The following NCAM2 variants were observed in gnomAD, a reference collection of about 807,000 sequenced individuals.
The protein encoded by NCAM2 is N-CAM-2.
NCAM2 carries 30 observed loss-of-function variants against 98.1 expected under a neutral mutation model. The observed-to-expected ratio is 0.31, with a 90% CI of 0.23 to 0.41. NCAM2 has a LOEUF of 0.41. NCAM2 is among the 10% of genes least tolerant of loss of function. The probability of loss-of-function intolerance (pLI) is 1.00; values close to 1 mark genes in which losing one functional copy is unlikely to be tolerated. For missense variants in NCAM2, 867 were observed against 1,005.8 expected, an observed-to-expected ratio of 0.86 and a Z score of 1.87; for synonymous variants, 368 against 342.4, an observed-to-expected ratio of 1.07 and a Z score of -0.83.
chr21:21,173,814 A>G (rs1347511772), intron 1 of NCAM2, among the ~76,000 whole-genome samples: 2 of 152,176 alleles, frequency 1.3e-5, no homozygotes, highest in East Asian at 3.9e-4. Flanking sequence ...CTTTGATGAA[A>G]ATTGAGGCTA....
intron 16 of NCAM2, among the ~76,000 whole-genome samples, chr21:21,525,490 T>G (rs1989271882): frequency 6.6e-6 from 1 of 152,120 alleles, no homozygotes; most frequent in Non-Finnish European, 1.5e-5. Context: ...TGAACAGACC[T>G]TTATATCCAT....
At chr21:21,092,858 T>C (rs570522372) in intron 1 of NCAM2, among the ~76,000 whole-genome samples, 64 of 152,080 alleles carry the variant, frequency 4.2e-4, no homozygotes, top group Non-Finnish European at 5.9e-4. Flanking sequence ...TTTCTGTGAA[T>C]GTCATTTGTT....
At chr21:21,532,206 A>C (rs529143674) in intron 16 of NCAM2, among the ~76,000 whole-genome samples, 1 of 152,030 alleles carries the variant, frequency 6.6e-6, no homozygotes, top group African/African-American at 2.4e-5. Context: ...ATACAACAGC[A>C]TAGTATGCAG....
intron 1 of NCAM2, chr21:21,226,847 G>T (rs1016215761): frequency 2.6e-5 from 4 of 151,926 alleles, no homozygotes; most frequent in Admixed American, 2.6e-4. Flanking sequence ...CAACACAAGG[G>T]TACTTTAACA....
intron 1 of NCAM2, among the ~76,000 whole-genome samples, chr21:21,055,316 C>A (rs552006543): frequency 3.4e-4 from 52 of 152,118 alleles, no homozygotes; most frequent in African/African-American, 1.2e-3. Context: ...TTGTATGTGT[C>A]TGTGTGATTA....
At chr21:21,001,446 T>C (rs1444127011) in intron 1 of NCAM2, among the ~76,000 whole-genome samples, 2 of 152,206 alleles carry the variant, frequency 1.3e-5, no homozygotes, top group Non-Finnish European at 2.9e-5. Context: ...ACTTTTGCAA[T>C]TATTTTTCCT....
At chr21:21,323,482 G>A (rs1414563687) in intron 5 of NCAM2, among the ~76,000 whole-genome samples, 3 of 151,974 alleles carry the variant, frequency 2.0e-5, no homozygotes, top group Non-Finnish European at 2.9e-5. Context: ...GTATTGTTTA[G>A]TATATGTAAA....
intron 1 of NCAM2, among the ~76,000 whole-genome samples, chr21:21,248,270 C>T (rs979177263): frequency 2.4e-4 from 37 of 151,882 alleles, no homozygotes; most frequent in Non-Finnish European, 7.4e-5. Context: ...ATAAAAGTAA[C>T]CCGAATTATG....
chr21:21,338,188 A>T (rs1297950375), intron 7 of NCAM2, among the ~76,000 whole-genome samples: 4 of 152,110 alleles, frequency 2.6e-5, no homozygotes, highest in Non-Finnish European at 5.9e-5. Flanking sequence ...ATGGTAACAG[A>T]TGAGTTTTAT....
At chr21:21,516,259 C>G (rs1443323364) in intron 16 of NCAM2, among the ~76,000 whole-genome samples, 2 of 152,054 alleles carry the variant, frequency 1.3e-5, no homozygotes, top group Non-Finnish European at 2.9e-5. Context: ...GAATAAAAAT[C>G]CTTGCACAGG....
chr21:21,095,995 T>G (rs553878235), intron 1 of NCAM2, among the ~76,000 whole-genome samples: 49 of 151,718 alleles, frequency 3.2e-4, no homozygotes, highest in African/African-American at 1.2e-3. Context: ...TCAAAAGTAA[T>G]AAGAACAGAA....
chr21:21,095,578 G>A lies in NCAM2; in HGVS notation c.55+96960G>A, dbSNP rs148325820. ...GTATGGAGGAAAAATAAGTAAGTGA[G>A]GCTAAATAAGTTCTTTAAGGAAGAA... is the stretch of plus-strand genomic sequence containing the variant. On this transcript the variant is annotated intron_variant, in intron 1 of 17. Coordinates refer to ENST00000400546, the MANE Select transcript of NCAM2 (RefSeq NM_004540.5). Among the ~76,000 whole-genome samples the A allele has an allele frequency of 6.3e-3, 952 of 151,336 alleles. 11 individuals carry two copies. Among genetic ancestry groups the A allele is most frequent in the African/African-American group, 0.022 (902 of 41,392 alleles).
chr21:21,433,216 AT>A, intron 12 of NCAM2, among the ~76,000 whole-genome samples: 1 of 152,302 alleles, frequency 6.6e-6, no homozygotes, highest in African/African-American at 2.4e-5. Context: ...CATGTACCAT[AT>A]ACTTCAAATA....
intron 8 of NCAM2, among the ~76,000 whole-genome samples, chr21:21,349,509 G>A (rs2075278954): frequency 6.6e-6 from 1 of 152,080 alleles, no homozygotes; most frequent in South Asian, 2.1e-4. Flanking sequence ...TAGCAATGGA[G>A]AACAGTTTGG....
At chr21:21,311,335 A>ATTTTTTTT (rs57458011) in intron 5 of NCAM2, among the ~76,000 whole-genome samples, 1 of 108,620 alleles carries the variant, frequency 9.2e-6, no homozygotes, top group Non-Finnish European at 1.8e-5. Context: ...AATATGGGGC[A>ATTTTTTTT]TTTTTTTTTT....
chr21:21,516,377 A>AAAG (rs1459489780), intron 16 of NCAM2, among the ~76,000 whole-genome samples: 1 of 152,072 alleles, frequency 6.6e-6, no homozygotes, highest in East Asian at 1.9e-4. Context: ...TCTAATTATA[A>AAAG]AAGTTTTTTT....
intron 1 of NCAM2, among the ~76,000 whole-genome samples, chr21:21,234,334 G>A (rs1359451224): frequency 2.6e-5 from 4 of 151,726 alleles, no homozygotes; most frequent in African/African-American, 7.3e-5. Context: ...ACAATGCTAG[G>A]AAATATACAA....
At chr21:21,334,252 A>G (rs1411337572) in intron 6 of NCAM2, among the ~76,000 whole-genome samples, 3 of 152,100 alleles carry the variant, frequency 2.0e-5, no homozygotes, top group African/African-American at 7.2e-5. Context: ...TTATTTTATG[A>G]ATCCTAATTT....
intron 1 of NCAM2, among the ~76,000 whole-genome samples, chr21:21,117,485 T>C (rs531170886): frequency 6.6e-6 from 1 of 152,308 alleles, no homozygotes; most frequent in Non-Finnish European, 1.5e-5. Context: ...CAACTTGTAT[T>C]GATCAACAGA....
Sources: gnomAD v4.1 joint callset for allele counts (sites outside exome capture counted in the v4.1 genomes callset) on GRCh38, gnomAD v4.1.1 for gene constraint, MANE v1.5 for transcripts, NCBI Gene and HGNC (gene_info 2026-07-23, HGNC 2026-07-21) for gene names.